The following LRRC4C variants were observed in gnomAD, a reference collection of about 807,000 sequenced individuals.
LRRC4C encodes the protein leucine-rich repeat-containing protein 4C.
LRRC4C carries 5 observed loss-of-function variants against 33.6 expected under a neutral mutation model. The observed-to-expected ratio is 0.15, with a 90% CI of 0.08 to 0.31. The LOEUF (loss-of-function observed/expected upper bound fraction) is 0.31, where lower values mean the gene tolerates loss of function less well. Ranked by LOEUF, LRRC4C falls within the 10% of genes least tolerant of loss-of-function variation. The pLI is 1.00. For missense variants in LRRC4C, 560 were observed against 796.7 expected (o/e 0.70, Z 3.58); for synonymous variants, 329 against 302.0 (o/e 1.09, Z -0.93).
chr11:40,928,213 C>T (rs1222649666), intron 2 of LRRC4C, among the ~76,000 whole-genome samples: 2 of 151,200 alleles, frequency 1.3e-5, no homozygotes, highest in African/African-American at 2.4e-5. Context: ...ATGGTCTAAC[C>T]TAACGTTTCT....
intron 2 of LRRC4C, among the ~76,000 whole-genome samples, chr11:40,730,079 G>A (rs966464802): frequency 1.9e-4 from 29 of 151,598 alleles, no homozygotes; most frequent in African/African-American, 7.0e-4. Flanking sequence ...CACAGGAAGG[G>A]GAATATCACA....
chr11:41,248,517 T>A, intron 1 of LRRC4C, among the ~76,000 whole-genome samples: 1 of 152,170 alleles, frequency 6.6e-6, no homozygotes, highest in Non-Finnish European at 1.5e-5. Flanking sequence ...TTTGAATGGA[T>A]TATCCTCCTA....
intron 3 of LRRC4C, among the ~76,000 whole-genome samples, chr11:40,548,584 G>C (rs768466780): frequency 1.3e-5 from 2 of 152,036 alleles, no homozygotes; most frequent in Non-Finnish European, 2.9e-5. Context: ...AAGCCAGCCA[G>C]TTTGTGATGC....
chr11:41,256,648 A>G (rs2136688814), intron 1 of LRRC4C, among the ~76,000 whole-genome samples: 1 of 152,164 alleles, frequency 6.6e-6, no homozygotes, highest in South Asian at 2.1e-4. Context: ...AGTTTTGGAC[A>G]ATAGAGGAAC....
chr11:40,114,482 G>A lies in LRRC4C; in HGVS notation c.1811C>T (p.Pro604Leu), dbSNP rs1328883374. The A allele has an allele frequency of 4.3e-6, 7 of 1,613,994 alleles. No homozygotes were observed. Among genetic ancestry groups the A allele is most frequent in the Non-Finnish European group, 5.9e-6 (7 of 1,180,026 alleles). ...GTTAACTGTTGTTGTGTGGTTGAAGGGAGATTTGTATGAGTTATAGTGATT... is the reference window on the plus strand; with the variant it reads ...GTTAACTGTTGTTGTGTGGTTGAAGAGAGATTTGTATGAGTTATAGTGATT... ...HLNHYNSYKS[P>L]FNHTTTVNTI... The change falls in exon 7 of 7, where the codon CCC becomes CTC. Residue 604 changes from proline (P) to leucine (L), a missense_variant. By Grantham distance (98) the Pro-to-Leu change is moderately conservative (BLOSUM62 -3). Around this residue, in one of 3 missense-constraint regions of LRRC4C, gnomAD observed 103 missense variants for 132.1 expected, o/e 0.78. Transcript: ENST00000528697.
chr11:41,342,326 A>C (rs1463074169), intron 1 of LRRC4C, among the ~76,000 whole-genome samples: 1 of 152,116 alleles, frequency 6.6e-6, no homozygotes, highest in Admixed American at 6.5e-5. Flanking sequence ...TATCCCTAGC[A>C]ATATTTTAGT....
intron 1 of LRRC4C, among the ~76,000 whole-genome samples, chr11:41,014,702 T>C (rs548045226): frequency 6.6e-6 from 1 of 152,206 alleles, no homozygotes; most frequent in South Asian, 2.1e-4. Context: ...ATACTTATCC[T>C]CCCACAAGTC....
intron 1 of LRRC4C, among the ~76,000 whole-genome samples, chr11:41,408,010 C>A (rs953380970): frequency 2.6e-5 from 4 of 152,110 alleles, no homozygotes; most frequent in Non-Finnish European, 5.9e-5. Context: ...AGACCCTGTA[C>A]CCTTAGGAGC....
At chr11:40,591,416 G>T in intron 3 of LRRC4C, among the ~76,000 whole-genome samples, 1 of 152,094 alleles carries the variant, frequency 6.6e-6, no homozygotes, top group East Asian at 1.9e-4. Context: ...ACCTCAGATG[G>T]AAATGCAGAA....
At chr11:40,797,183 G>A (rs149954705) in intron 2 of LRRC4C, among the ~76,000 whole-genome samples, 4 of 152,224 alleles carry the variant, frequency 2.6e-5, no homozygotes, top group African/African-American at 9.6e-5. Flanking sequence ...GATAGAGAAG[G>A]TCTGGTGAAA....
At position 40,492,504 on chromosome 11, in the gene LRRC4C, T is replaced by C. The variant is rs11826551; in HGVS notation, c.-270+155638A>G. ...AAAAATCATGTTTCATTTTCCCTAG[T>C]ATCTAAGCCACCTTACACGTTATTA... On this transcript the variant is annotated intron_variant, in intron 3 of 6. Coordinates refer to ENST00000528697, the MANE Select transcript of LRRC4C (RefSeq NM_001258419.2). 9.3e-3 allele frequency among the ~76,000 whole-genome samples: 1,411 copies of C among 152,288 alleles called. 22 individuals carry two copies. Among genetic ancestry groups the C allele is most frequent in the African/African-American group, 0.031 (1,305 of 41,556 alleles).
chr11:41,033,430 T>A (rs1020368778), intron 1 of LRRC4C, among the ~76,000 whole-genome samples: 5 of 151,956 alleles, frequency 3.3e-5, no homozygotes, highest in Non-Finnish European at 5.9e-5. Context: ...AGGTACAGGG[T>A]TGAGCTGGGA....
At position 41,289,616 on chromosome 11, in the gene LRRC4C, C is replaced by T. The variant is rs1166205949; in HGVS notation, c.-496+169815G>A. On this transcript the variant is annotated intron_variant, in intron 1 of 6. Coordinates refer to ENST00000528697, the MANE Select transcript of LRRC4C (RefSeq NM_001258419.2). ...GCACAGTACACAGTGAGAAGCAGGC[C>T]ATCCACAAGACAGGAAGAGAGGCCT... is the stretch of plus-strand genomic sequence containing the variant. Among the ~76,000 whole-genome samples, 3 of 152,118 alleles carry T rather than the reference C, an allele frequency of 2.0e-5. No homozygotes were observed. In the East Asian group the frequency reaches 5.8e-4, roughly 29 times the overall value.
At chr11:40,119,372 C>A (rs1260272348) in intron 6 of LRRC4C, among the ~76,000 whole-genome samples, 1 of 152,024 alleles carries the variant, frequency 6.6e-6, no homozygotes. Flanking sequence ...TTTTTTCCCC[C>A]AGCCTTCTAA....
chr11:40,199,261 C>A lies in LRRC4C; in HGVS notation c.-96+42258G>T, dbSNP rs1006116257. ...GATTTTTGTAGTTTTTGTAGAGACACGGTTTCACAATGTTGGCCAGGCTGG... is the reference window on the plus strand; with the variant it reads ...GATTTTTGTAGTTTTTGTAGAGACAAGGTTTCACAATGTTGGCCAGGCTGG... On this transcript the variant is annotated intron_variant, in intron 5 of 6. Transcript: ENST00000528697. Among the ~76,000 whole-genome samples, 3 of 151,952 alleles carry A rather than the reference C, an allele frequency of 2.0e-5. No individual in the cohort carries two copies. The East Asian group carries it at 5.8e-4, about 29-fold the overall frequency.
intron 3 of LRRC4C, among the ~76,000 whole-genome samples, chr11:40,606,027 G>C (rs1334145953): frequency 6.6e-6 from 1 of 152,170 alleles, no homozygotes; most frequent in Non-Finnish European, 1.5e-5. Context: ...TGCTGCAGAG[G>C]ACACATGGCA....
chr11:40,922,376 CT>C (rs1273405135), intron 2 of LRRC4C, among the ~76,000 whole-genome samples: 1 of 152,168 alleles, frequency 6.6e-6, no homozygotes, highest in Non-Finnish European at 1.5e-5. Flanking sequence ...TAGCTATTTC[CT>C]TTGTAAGGCT....
At chr11:41,369,013 A>G (rs975549828) in intron 1 of LRRC4C, among the ~76,000 whole-genome samples, 1 of 152,190 alleles carries the variant, frequency 6.6e-6, no homozygotes, top group Non-Finnish European at 1.5e-5. Context: ...TTTTTCTCCA[A>G]ATAAATCACT....
At chr11:41,019,673 C>A (rs1004149291) in intron 1 of LRRC4C, among the ~76,000 whole-genome samples, 46 of 152,128 alleles carry the variant, frequency 3.0e-4, no homozygotes, top group Non-Finnish European at 1.5e-5. Context: ...CATAGCCTCA[C>A]CAGCATCTAC....
Sources: gnomAD v4.1 joint callset for allele counts (sites outside exome capture counted in the v4.1 genomes callset) on GRCh38, gnomAD v4.1.1 for gene constraint, gnomAD v4.1.1 regional missense constraint, MANE v1.5 for transcripts, NCBI Gene and HGNC (gene_info 2026-07-23, HGNC 2026-07-21) for gene names.